Variants in TPO observed in about 807,000 individuals in gnomAD.
The protein encoded by TPO is thyroid microsomal antigen.
In TPO, 78 loss-of-function variants were observed where a neutral mutation model predicts 96.9. The observed-to-expected ratio is 0.81, with a 90% confidence interval of 0.67 to 0.97. The LOEUF (loss-of-function observed/expected upper bound fraction) is 0.97, where lower values mean the gene tolerates loss of function less well. Among genes scored for constraint, TPO ranks in the 50% least tolerant of loss-of-function variants. The pLI, the probability that TPO is intolerant of heterozygous loss-of-function variation, is 0.00. For missense variants in TPO, 1,252 were observed against 1,274.8 expected (o/e 0.98, Z 0.27); for synonymous variants, 547 against 538.0 (o/e 1.02, Z -0.23).
chr2:1,377,408 T>C (rs994764772), intron 1 of TPO, among the ~76,000 whole-genome samples: 1 of 152,216 alleles, frequency 6.6e-6, no homozygotes, highest in Non-Finnish European at 1.5e-5. Flanking sequence ...AAAGTTAGCC[T>C]CGAGGAGATT....
chr2:1,454,182 G>A (rs550217736), intron 6 of TPO, among the ~76,000 whole-genome samples: 5 of 151,838 alleles, frequency 3.3e-5, no homozygotes, highest in Admixed American at 3.3e-4. Context: ...ACTTGTTGAT[G>A]TAAAGATGAC....
At chr2:1,500,422 G>C (rs1672756726) in intron 13 of TPO, among the ~76,000 whole-genome samples, 1 of 152,144 alleles carries the variant, frequency 6.6e-6, no homozygotes, top group Non-Finnish European at 1.5e-5. Context: ...CCCTGCACTA[G>C]AAGTTTCAAA....
chr2:1,427,243 T>C (rs1172729191), intron 3 of TPO, among the ~76,000 whole-genome samples: 4 of 152,216 alleles, frequency 2.6e-5, no homozygotes, highest in African/African-American at 7.2e-5. Flanking sequence ...TGATGTGCAG[T>C]GAGCTTGCCG....
chr2:1,480,262 A>G (rs1391167862), intron 8 of TPO, among the ~76,000 whole-genome samples: 1 of 151,862 alleles, frequency 6.6e-6, no homozygotes, highest in Non-Finnish European at 1.5e-5. Flanking sequence ...TATTTTTTTC[A>G]GTTAATAGGT....
chr2:1,392,192 T>A (rs1662011750), intron 1 of TPO, among the ~76,000 whole-genome samples: 1 of 152,182 alleles, frequency 6.6e-6, no homozygotes, highest in Non-Finnish European at 1.5e-5. Context: ...ATACCCAGTT[T>A]ATTGAGAGTT....
chr2:1,474,648 C>T (rs1348222753), intron 7 of TPO, among the ~76,000 whole-genome samples: 1 of 152,198 alleles, frequency 6.6e-6, no homozygotes, highest in Non-Finnish European at 1.5e-5. Flanking sequence ...CTTGGAAAAG[C>T]TGTGGTTATT....
At chr2:1,380,375 C>A (rs1482705783) in intron 1 of TPO, among the ~76,000 whole-genome samples, 8 of 126,292 alleles carry the variant, frequency 6.3e-5, no homozygotes, top group Non-Finnish European at 9.4e-5. Flanking sequence ...GCCTGGGCGA[C>A]AGAGCGAGAC....
At chr2:1,501,281 C>G (rs536090603) in intron 13 of TPO, among the ~76,000 whole-genome samples, 57 of 151,050 alleles carry the variant, frequency 3.8e-4, no homozygotes, top group African/African-American at 1.4e-3. Context: ...GGCCACTCTT[C>G]TTGAAACTCA....
intron 1 of TPO, among the ~76,000 whole-genome samples, chr2:1,383,937 G>A (rs1053172004): frequency 2.0e-5 from 3 of 152,064 alleles, no homozygotes; most frequent in African/African-American, 7.2e-5. Flanking sequence ...TCTACATATG[G>A]CTAGCCAGTT....
At chr2:1,387,444 A>T (rs1168757883) in intron 1 of TPO, among the ~76,000 whole-genome samples, 2 of 151,840 alleles carry the variant, frequency 1.3e-5, no homozygotes, top group Admixed American at 6.6e-5. Context: ...TTCTCTTCTC[A>T]CTTCACTTCA....
intron 13 of TPO, among the ~76,000 whole-genome samples, chr2:1,502,749 G>C (rs1306730177): frequency 6.6e-6 from 1 of 152,210 alleles, no homozygotes; most frequent in African/African-American, 2.4e-5. Context: ...AGACCGTACT[G>C]TTTAGAAAGC....
intron 9 of TPO, among the ~76,000 whole-genome samples, chr2:1,485,079 G>A (rs1055241282): frequency 1.0e-4 from 14 of 138,410 alleles, no homozygotes; most frequent in African/African-American, 3.8e-4. Context: ...CACGACAGAC[G>A]GGATATGATG....
chr2:1,470,680 C>T (rs1384890619), intron 7 of TPO, among the ~76,000 whole-genome samples: 1 of 152,080 alleles, frequency 6.6e-6, no homozygotes, highest in African/African-American at 2.4e-5. Flanking sequence ...GTGAGAGCAG[C>T]ATCTGCCTCT....
chr2:1,383,864 G>A lies in TPO; in HGVS notation n.180+9462G>A, dbSNP rs181816752. Among the ~76,000 whole-genome samples, 739 of 152,256 alleles carry A rather than the reference G, an allele frequency of 4.9e-3. 8 individuals carry two copies. Among genetic ancestry groups the A allele is most frequent in the African/African-American group, 0.017 (713 of 41,536 alleles). ...GTTTTCTTCTAGGTCTAACATTTAA[G>A]TCTTTAATCCATCTTGAATTAACTT... On this transcript the variant is annotated intron_variant and non_coding_transcript_variant, in intron 1 of 5. Transcript: ENST00000497517.
At chr2:1,520,275 C>T (rs767672390) in intron 15 of TPO, among the ~76,000 whole-genome samples, 38 of 152,188 alleles carry the variant, frequency 2.5e-4, no homozygotes, top group Non-Finnish European at 5.3e-4. Context: ...ATCCCAGCCT[C>T]GCCTCCCTGT....
chr2:1,408,050 T>C (rs896050871), intron 1 of TPO, among the ~76,000 whole-genome samples: 1 of 152,186 alleles, frequency 6.6e-6, no homozygotes, highest in Non-Finnish European at 1.5e-5. Context: ...TCACACTTCA[T>C]AGAGCAGCTG....
At position 1,532,648 on chromosome 2, in the gene TPO, A is replaced by AC. The variant is rs1185850278; in HGVS notation, c.2619-7939dup. Among the ~76,000 whole-genome samples, 53 of 40,096 alleles carry AC rather than the reference A, an allele frequency of 1.3e-3. 1 individual carries two copies. The highest frequency in any genetic ancestry group is 7.2e-3 in the African/African-American group (52 of 7,174). 26.3% of individuals were successfully genotyped at this position (40,096 alleles called of 152,430 possible). A position where few individuals can be genotyped will look rare whatever the true frequency, so the allele number is the denominator to read the frequency against. Reference sequence around the variant, plus strand: ...CCCCCACTCTGTACAACCTCCCCAAACCCCCCCAACTGTGTACAACTTCCT... The same window carrying AC: ...CCCCCACTCTGTACAACCTCCCCAAACCCCCCCCAACTGTGTACAACTTCCT... On this transcript the variant is annotated intron_variant, in intron 15 of 16. Coordinates refer to ENST00000329066, the MANE Select transcript of TPO (RefSeq NM_001206744.2).
intron 14 of TPO, among the ~76,000 whole-genome samples, chr2:1,514,983 A>G (rs1674533925): frequency 6.6e-6 from 1 of 152,142 alleles, no homozygotes; most frequent in African/African-American, 2.4e-5. Context: ...CTGATGTCAG[A>G]TGCCTGGCTT....
In TPO at chr2:1,477,563, G is replaced by A. The variant is rs1035791118; in HGVS notation, c.1297G>A (p.Val433Met). Residue 433 changes from valine to methionine, a missense_variant, in exon 8 of 17, where the codon GTG becomes ATG. By Grantham distance (21) the Val-to-Met change is conservative. Transcript: ENST00000329066. ...CAATGCGCACTGGAGCGCGGACGCCGTGTACCAGGAGGCGCGCAAGGTCGT... is the reference window on the plus strand; with the variant it reads ...CAATGCGCACTGGAGCGCGGACGCCATGTACCAGGAGGCGCGCAAGGTCGT... ...ALNAHWSADA[V>M]YQEARKVVGA... 13 of 1,536,772 alleles carry A rather than the reference G, an allele frequency of 8.5e-6. No individual in the cohort carries two copies. The Admixed American group carries it at 1.4e-4, about 16-fold the overall frequency.
Sources: allele counts gnomAD v4.1 joint callset (sites outside exome capture counted in the v4.1 genomes callset), GRCh38; gene constraint gnomAD v4.1.1; transcripts MANE v1.5; gene names NCBI Gene and HGNC (gene_info 2026-07-23, HGNC 2026-07-21).